FSHR: variants seen among roughly 807,000 people sequenced by gnomAD.
FSHR encodes the protein follicle-stimulating hormone receptor.
FSHR carries 46 observed loss-of-function variants against 52.1 expected under a neutral mutation model. The observed-to-expected ratio is 0.88, with a 90% CI of 0.70 to 1.13. The LOEUF is 1.13. FSHR is among the 50% of genes most tolerant of loss of function. The pLI is 0.00. For synonymous variants in FSHR, 399 were observed against 309.6 expected (o/e 1.29, Z -3.03); for missense variants, 964 against 834.6 (o/e 1.16, Z -1.91).
rs749391155 is a variant in FSHR at position 48,962,920 on chromosome 2, C to G, written c.1901G>C (p.Arg634Pro). 6.8e-6 allele frequency: 11 copies of G among 1,614,020 alleles called. No homozygotes were observed. Among genetic ancestry groups the G allele is most frequent in the Non-Finnish European group, 9.3e-6 (11 of 1,180,004 alleles). Reference sequence around the variant, plus strand: ...GCTCAGCAGAATGAAGAAATCTCTGCGAAAGTTTTTGGTAAAGATGGCATA... The same window carrying G: ...GCTCAGCAGAATGAAGAAATCTCTGGGAAAGTTTTTGGTAAAGATGGCATA... Reference protein sequence around the residue: ...FLYAIFTKNFRRDFFILLSKC... With the variant: ...FLYAIFTKNFPRDFFILLSKC... The change falls in exon 10 of 10, where the codon CGC (arginine) becomes CCC (proline). Residue 634 changes from arginine (R) to proline (P), a missense_variant. Physicochemically the swap from Arg to Pro is moderately radical, Grantham distance 103 (BLOSUM62 -2). Coordinates refer to ENST00000406846, the MANE Select transcript of FSHR (RefSeq NM_000145.4).
At chr2:49,048,723 G>A (rs13004879) in intron 2 of FSHR, among the ~76,000 whole-genome samples, 1 of 151,944 alleles carries the variant, frequency 6.6e-6, no homozygotes, top group Non-Finnish European at 1.5e-5. Context: ...CTAGCTCCTG[G>A]ACTTTTCCTC....
intron 1 of FSHR, among the ~76,000 whole-genome samples, chr2:49,073,337 A>G (rs1002970058): frequency 1.3e-5 from 2 of 152,110 alleles, no homozygotes; most frequent in Admixed American, 6.6e-5. Context: ...AAACTCTTAG[A>G]ACTGATAAAT....
chr2:49,013,808 A>T (rs904524608), intron 4 of FSHR, among the ~76,000 whole-genome samples: 6 of 151,990 alleles, frequency 3.9e-5, no homozygotes, highest in Non-Finnish European at 8.8e-5. Context: ...GTTGGAACCT[A>T]ACCCTCAATG....
At chr2:49,111,692 T>G (rs1282447452) in intron 1 of FSHR, among the ~76,000 whole-genome samples, 2 of 152,254 alleles carry the variant, frequency 1.3e-5, no homozygotes, top group East Asian at 1.9e-4. Context: ...CTGCAGCTGG[T>G]GCTCCCCACG....
intron 1 of FSHR, among the ~76,000 whole-genome samples, chr2:49,140,519 A>C (rs1041822279): frequency 3.9e-5 from 6 of 152,074 alleles, no homozygotes; most frequent in Non-Finnish European, 8.8e-5. Flanking sequence ...ATTTATTTAT[A>C]GTACTGCAAG....
intron 1 of FSHR, among the ~76,000 whole-genome samples, chr2:49,119,476 C>G (rs534375590): frequency 9.9e-5 from 15 of 152,024 alleles, no homozygotes; most frequent in Non-Finnish European, 1.9e-4. Context: ...TCTTAATTTC[C>G]CTTTTAAGCC....
At chr2:49,024,541 A>G (rs544268911) in intron 2 of FSHR, among the ~76,000 whole-genome samples, 7 of 152,298 alleles carry the variant, frequency 4.6e-5, no homozygotes, top group African/African-American at 1.7e-4. Flanking sequence ...TAAACTCCAG[A>G]TTTTGGTGAG....
intron 8 of FSHR, among the ~76,000 whole-genome samples, chr2:48,973,988 C>G (rs1378036429): frequency 2.8e-5 from 4 of 143,714 alleles, no homozygotes; most frequent in African/African-American, 1.2e-4. Context: ...CTCATGAAAT[C>G]TATTGAGTAA....
rs1674340891 is a variant in FSHR, at chr2:48,963,699, G to C, written c.1122C>G (p.Ile374Met). ...ILRVLIWFISILAITGNIIVL... is the reference protein window; with the variant it reads ...ILRVLIWFISMLAITGNIIVL... The stretch of plus-strand genomic sequence containing the variant: ...CTATGATGTTCCCAGTGATGGCCAG[G>C]ATGCTGATAAACCATATCAGGACTC... Residue 374 changes from isoleucine (I) to methionine (M), a missense_variant, in exon 10 of 10, where the codon ATC becomes ATG. Transcript: ENST00000406846. The C allele has an allele frequency of 3.1e-6, 5 of 1,614,176 alleles. No individual in the cohort carries two copies. Among genetic ancestry groups the C allele is most frequent in the Admixed American group, 1.7e-5 (1 of 60,018 alleles).
intron 4 of FSHR, among the ~76,000 whole-genome samples, chr2:49,016,851 T>A (rs538903650): frequency 3.0e-4 from 45 of 152,260 alleles, no homozygotes; most frequent in African/African-American, 7.0e-4. Context: ...AGCTGGTAAA[T>A]GAACCCAGAA....
chr2:49,127,894 T>TC (rs1672118170), intron 1 of FSHR, among the ~76,000 whole-genome samples: 1 of 39,648 alleles, frequency 2.5e-5, no homozygotes, highest in Non-Finnish European at 4.2e-5. Context: ...TTCTTCTTCT[T>TC]CTTCTTTTTT....
Position 48,963,687 on chromosome 2 carries a change from AG to A in FSHR, c.1133del (p.Thr378MetfsTer5). On this transcript the variant is annotated frameshift_variant, in exon 10 of 10. Coordinates refer to ENST00000406846, the MANE Select transcript of FSHR (RefSeq NM_000145.4). LOFTEE classifies it high-confidence loss of function. ...GGATCACTAGCACTATGATGTTCCCAGTGATGGCCAGGATGCTGATAAACCA... is the reference window on the plus strand; with the variant it reads ...GGATCACTAGCACTATGATGTTCCCATGATGGCCAGGATGCTGATAAACCA... ...LIWFISILAI[T>X]GNIIVLVILT... The A allele has an allele frequency of 6.2e-7, 1 of 1,614,168 alleles. No homozygotes were observed. Among genetic ancestry groups the A allele is most frequent in the Non-Finnish European group, 8.5e-7 (1 of 1,180,006 alleles).
chr2:49,095,621 A>G (rs1670797380), intron 1 of FSHR, among the ~76,000 whole-genome samples: 1 of 152,200 alleles, frequency 6.6e-6, no homozygotes, highest in African/African-American at 2.4e-5. Context: ...AAGTAGATAC[A>G]TTGGACTTAA....
intron 9 of FSHR, among the ~76,000 whole-genome samples, 190 bp downstream of exon 9, chr2:48,968,508 T>C (rs535162358): frequency 1.3e-5 from 2 of 152,354 alleles, no homozygotes; most frequent in South Asian, 4.1e-4. Context: ...GAGCCCACTT[T>C]CAAAGAAATG....
At position 48,963,279 on chromosome 2, in the gene FSHR, C is replaced by T. The variant is rs1223686177; in HGVS notation, c.1542G>A (p.Val514=). 1 of 1,614,122 alleles carries T rather than the reference C, an allele frequency of 6.2e-7. No homozygotes were observed. The highest frequency in any genetic ancestry group is 8.5e-7 in the Non-Finnish European group (1 of 1,180,010). ...CAATATCCATGGGCAGGCAGATGCTCACCTTCATGTAGCTGCTGATGCCAA... is the reference window on the plus strand; with the variant it reads ...CAATATCCATGGGCAGGCAGATGCTTACCTTCATGTAGCTGCTGATGCCAA... ...PIFGISSYMK[V]SICLPMDIDS... Residue 514 remains valine, a synonymous_variant, in exon 10 of 10, where the codon GTG becomes GTA. Transcript: ENST00000406846.
intron 1 of FSHR, among the ~76,000 whole-genome samples, chr2:49,073,148 C>A (rs1669809768): frequency 6.6e-6 from 1 of 151,986 alleles, no homozygotes; most frequent in African/African-American, 2.4e-5. Context: ...AGAACTAGAA[C>A]ACGACAAGGA....
intron 1 of FSHR, among the ~76,000 whole-genome samples, chr2:49,082,083 G>A (rs952292285): frequency 6.6e-6 from 1 of 152,212 alleles, no homozygotes; most frequent in African/African-American, 2.4e-5. Flanking sequence ...CGACACAGAA[G>A]ATGGGTGATT....
intron 2 of FSHR, among the ~76,000 whole-genome samples, chr2:49,038,458 A>T (rs867854343): frequency 1.3e-5 from 2 of 151,538 alleles, no homozygotes; most frequent in South Asian, 2.1e-4. Flanking sequence ...CGTCTCTACT[A>T]AAAAAACAAA....
chr2:49,042,137 A>T (rs1668498386), intron 2 of FSHR, among the ~76,000 whole-genome samples: 1 of 152,160 alleles, frequency 6.6e-6, no homozygotes, highest in African/African-American at 2.4e-5. Flanking sequence ...TTCATTTTAG[A>T]AATATTTCTA....
Sources: allele counts gnomAD v4.1 joint callset (sites outside exome capture counted in the v4.1 genomes callset), GRCh38; gene constraint gnomAD v4.1.1; transcripts MANE v1.5; gene names NCBI Gene and HGNC (gene_info 2026-07-23, HGNC 2026-07-21).